The following COPS2 variants were observed in gnomAD, a reference collection of about 807,000 sequenced individuals.
The protein encoded by COPS2 is COP9 signalosome complex subunit 2.
COPS2 carries 10 observed loss-of-function variants against 66.1 expected under a neutral mutation model. The observed-to-expected ratio is 0.15, with a 90% confidence interval of 0.09 to 0.26. The LOEUF is 0.26. Ranked by LOEUF, COPS2 falls within the 10% of genes least tolerant of loss-of-function variation. The pLI, the probability that COPS2 is intolerant of heterozygous loss-of-function variation, is 1.00. For synonymous variants in COPS2, 179 were observed against 171.3 expected (o/e 1.04, Z -0.35); for missense variants, 215 against 513.3 (o/e 0.42, Z 5.62).
chr15:49,128,593 C>A, intron 12 of COPS2, 109 bp downstream of exon 12: 3 of 716,374 alleles, frequency 4.2e-6, no homozygotes, highest in South Asian at 4.3e-5. Context: ...AAAACCATAC[C>A]CAAGGGTGCT....
chr15:49,155,585 C>T lies in COPS2; in HGVS notation c.-7G>A, dbSNP rs748437187. ...CATCCTCCATGTCAGACATCTTGGC[C>T]GGGAGGGGGAGGAGAAATTGGAGAC... On this transcript the variant is annotated 5_prime_UTR_variant, in exon 1 of 13. Coordinates refer to ENST00000388901, the MANE Select transcript of COPS2 (RefSeq NM_004236.4). 1 of 1,613,904 alleles carries T rather than the reference C, an allele frequency of 6.2e-7. No individual in the cohort carries two copies. Among genetic ancestry groups the T allele is most frequent in the Non-Finnish European group, 8.5e-7 (1 of 1,179,918 alleles).
At chr15:49,132,626 AGCTGTG>A (rs2141123834) in intron 9 of COPS2, among the ~76,000 whole-genome samples, 1 of 150,092 alleles carries the variant, frequency 6.7e-6, no homozygotes, top group South Asian at 2.1e-4. Context: ...ACATTTTTCC[AGCTGTG>A]GTAAAACTCA....
At position 49,123,496 on chromosome 15, in the gene COPS2, C is replaced by A. The variant is rs1490906880; in HGVS notation, c.*4454G>T. The A allele has an allele frequency of 1.3e-5, 2 of 152,126 alleles. No homozygotes were observed. The highest frequency in any genetic ancestry group is 2.9e-5 in the Non-Finnish European group (2 of 68,012). The allele number at this position is 152,126 out of a possible 1,614,324, so 9.4% of individuals were successfully genotyped here. ...AGTAAAATAGAAAACTGGAAAATTA[C>A]TGTGATAAACTGGTGATGAATTTTG... On this transcript the variant is annotated 3_prime_UTR_variant, in exon 13 of 13. Transcript: ENST00000388901.
Position 49,133,748 on chromosome 15 carries a change from C to G in COPS2, c.947+11G>C, listed in dbSNP as rs763691015. 6.3e-7 allele frequency: 1 copy of G among 1,585,758 alleles called. No homozygotes were observed. Among genetic ancestry groups the G allele is most frequent in the South Asian group, 1.2e-5 (1 of 86,594 alleles). ...AAGGAAATTTACCTTAACTGAAATA[C>G]AAAATCTTACCTTACTAAATTCGTC... On this transcript the variant is annotated intron_variant, in intron 9 of 12. Transcript: ENST00000388901.
chr15:49,137,003 AG>A (rs1380659630), intron 6 of COPS2, 146 bp downstream of exon 6: 2 of 615,818 alleles, frequency 3.2e-6, no homozygotes, highest in Non-Finnish European at 5.5e-6. Context: ...AAAAAAAAAA[AG>A]ATAATTTTAT....
intron 1 of COPS2, among the ~76,000 whole-genome samples, chr15:49,151,071 A>G (rs1247509317): frequency 1.3e-5 from 2 of 152,180 alleles, no homozygotes; most frequent in African/African-American, 4.8e-5. Context: ...TCTAACTTTT[A>G]GACAATGTTT....
chr15:49,138,755 T>C (rs2084270525), intron 4 of COPS2, among the ~76,000 whole-genome samples: 1 of 152,200 alleles, frequency 6.6e-6, no homozygotes, highest in Admixed American at 6.5e-5. Flanking sequence ...AGGCTGATTC[T>C]GATCTGAACA....
Position 49,134,035 on chromosome 15 carries a change from C to A in COPS2, c.789G>T (p.Lys263Asn). 6.2e-7 allele frequency: 1 copy of A among 1,613,836 alleles called. No homozygotes were observed. The highest frequency in any genetic ancestry group is 8.5e-7 in the Non-Finnish European group (1 of 1,179,818). Residue 263 changes from lysine (K) to asparagine (N), a missense_variant, in exon 8 of 13, where the codon AAG becomes AAT. Physicochemically the swap from Lys to Asn is moderately conservative, Grantham distance 94 (BLOSUM62 0). This residue lies in a region of COPS2 where 56 missense variants were observed against 173.6 expected (regional missense o/e 0.32). Coordinates refer to ENST00000388901, the MANE Select transcript of COPS2 (RefSeq NM_004236.4). The part of the protein sequence containing the change: ...KAHTDFFEAF[K>N]NYDESGSPRR... ...TTGGACTTCCAGATTCATCATAATT[C>A]TTGAAGGCTTCAAAAAAATCAGTGT...
At chr15:49,128,149 C>T in intron 12 of COPS2, 55 bp from the exon 13 acceptor site, 1 of 1,548,796 alleles carries the variant, frequency 6.5e-7, no homozygotes, top group East Asian at 2.3e-5. Flanking sequence ...AGCACAGTTT[C>T]TGGATTAATG....
In COPS2 at chr15:49,124,777, A is replaced by G. The variant is rs1002505974; in HGVS notation, c.*3173T>C. The G allele has an allele frequency of 1.3e-5, 2 of 152,186 alleles. No homozygotes were observed. Among genetic ancestry groups the G allele is most frequent in the African/African-American group, 2.4e-5 (1 of 41,460 alleles). The allele number at this position is 152,186 out of a possible 1,614,324, so 9.4% of individuals were successfully genotyped here. ...GCCTCACTTCAAAAATCTAAATCAA[A>G]AGAGAAATTTTCAGGTTTAAAAGTG... On this transcript the variant is annotated 3_prime_UTR_variant, in exon 13 of 13. Coordinates refer to ENST00000388901, the MANE Select transcript of COPS2 (RefSeq NM_004236.4).
chr15:49,133,007 G>A (rs1372232446), intron 9 of COPS2, among the ~76,000 whole-genome samples: 4 of 46,352 alleles, frequency 8.6e-5, no homozygotes, highest in African/African-American at 2.3e-4. Flanking sequence ...TTTTTTTTTT[G>A]AGACGGAGTC....
At chr15:49,148,634 T>C (rs1294619985) in intron 1 of COPS2, among the ~76,000 whole-genome samples, 1 of 152,118 alleles carries the variant, frequency 6.6e-6, no homozygotes, top group Non-Finnish European at 1.5e-5. Context: ...CTCTAAAAGA[T>C]TTTACAAGGA....
chr15:49,134,204 C>A, intron 7 of COPS2, 96 bp from the exon 8 acceptor site: 2 of 1,393,806 alleles, frequency 1.4e-6, no homozygotes, highest in Non-Finnish European at 9.8e-7. Context: ...TATTTCAGTG[C>A]CTTTCAGTTT....
intron 4 of COPS2, chr15:49,139,180 T>C (rs2141127980): frequency 6.0e-6 from 1 of 167,134 alleles, no homozygotes; most frequent in African/African-American, 2.4e-5. Context: ...TAACCTGTGA[T>C]TCAGTGTATT....
chr15:49,144,526 T>TA (rs1174239408), intron 2 of COPS2, among the ~76,000 whole-genome samples: 4 of 151,228 alleles, frequency 2.6e-5, no homozygotes, highest in Non-Finnish European at 2.9e-5. Context: ...ATCAGCAAAA[T>TA]AAAGAGCCAC....
In COPS2 at chr15:49,128,828, T is replaced by C; in HGVS notation, c.1129-68A>G. The C allele has an allele frequency of 2.9e-6, 3 of 1,034,306 alleles. No homozygotes were observed. In the South Asian group the frequency reaches 4.3e-5, roughly 15 times the overall value. The allele number at this position is 1,034,306 out of a possible 1,614,324, so 64.1% of individuals were successfully genotyped here. A position where few individuals can be genotyped will look rare whatever the true frequency, so the allele number is the denominator to read the frequency against. On this transcript the variant is annotated intron_variant, in intron 11 of 12. Coordinates refer to ENST00000388901, the MANE Select transcript of COPS2 (RefSeq NM_004236.4). ...ACTTCATAATTTTACACAATCATTC[T>C]AATTTTAATTCATTTCTATCACTTA... is the stretch of plus-strand genomic sequence containing the variant.
At chr15:49,154,425 G>A (rs998494200) in intron 1 of COPS2, among the ~76,000 whole-genome samples, 4 of 152,134 alleles carry the variant, frequency 2.6e-5, no homozygotes, top group Non-Finnish European at 5.9e-5. Flanking sequence ...CTTTTGCAAA[G>A]TGTGCCTTAT....
At chr15:49,133,519 G>A (rs750388470) in intron 9 of COPS2, among the ~76,000 whole-genome samples, 8 of 151,780 alleles carry the variant, frequency 5.3e-5, no homozygotes, top group Non-Finnish European at 7.4e-5. Context: ...TCGTGCGTGC[G>A]CAGACAGACA....
In COPS2 at chr15:49,123,777, G is replaced by A. The variant is rs1383134753; in HGVS notation, c.*4173C>T. The A allele has an allele frequency of 6.6e-6, 1 of 151,972 alleles. No individual in the cohort carries two copies. The highest frequency in any genetic ancestry group is 1.5e-5 in the Non-Finnish European group (1 of 68,008). 9.4% of individuals were successfully genotyped at this position (151,972 alleles called of 1,614,324 possible). A position where few individuals can be genotyped will look rare whatever the true frequency, so the allele number is the denominator to read the frequency against. ...ACAGGTAGTTTAGATATTATTATACGTGACAGTAAAAAAGTAAAATTTTAG... is the reference window on the plus strand; with the variant it reads ...ACAGGTAGTTTAGATATTATTATACATGACAGTAAAAAAGTAAAATTTTAG... On this transcript the variant is annotated 3_prime_UTR_variant, in exon 13 of 13. Coordinates refer to ENST00000388901, the MANE Select transcript of COPS2 (RefSeq NM_004236.4).
Sources: gnomAD v4.1 joint callset for allele counts (sites outside exome capture counted in the v4.1 genomes callset) on GRCh38, gnomAD v4.1.1 for gene constraint, gnomAD v4.1.1 regional missense constraint, MANE v1.5 for transcripts, NCBI Gene and HGNC (gene_info 2026-07-23, HGNC 2026-07-21) for gene names.